Variants in BEST4 observed in about 807,000 individuals in gnomAD.
BEST4 encodes bestrophin 4, also known as bestrophin-4.
BEST4 carries 36 observed loss-of-function variants against 47.1 expected under a neutral mutation model. The observed-to-expected ratio is 0.76, with a 90% CI of 0.59 to 1.01. The LOEUF (loss-of-function observed/expected upper bound fraction) is 1.01. BEST4 is among the 50% of genes least tolerant of loss of function. The pLI is 0.00. For missense variants in BEST4, 550 were observed against 648.6 expected, an observed-to-expected ratio of 0.85 and a Z score of 1.65; for synonymous variants, 250 against 277.8, an observed-to-expected ratio of 0.90 and a Z score of 1.00.
rs1203530909 is a variant in BEST4, at chr1:44,784,266, C to T, written c.1366G>A (p.Ala456Thr). 5 of 1,448,502 alleles carry T rather than the reference C, an allele frequency of 3.5e-6. No individual in the cohort carries two copies. The highest frequency in any genetic ancestry group is 2.8e-5 in the South Asian group (2 of 72,716). 89.7% of individuals were successfully genotyped at this position (1,448,502 alleles called of 1,614,324 possible). A position where few individuals can be genotyped will look rare whatever the true frequency, so the allele number is the denominator to read the frequency against. Residue 456 changes from alanine to threonine, a missense_variant, in exon 9 of 9, where the codon GCA becomes ACA. Transcript: ENST00000372207. This position sits in a 1 kb window ranked among gnomAD's most constrained non-coding sequence, Gnocchi z 6.2. ...RAEEGGDPEA[A>T]ARIEEESAES... ...GCCGATTCCTCCTCGATGCGGGCTG[C>T]GGCCTCGGGGTCGCCGCCCTCCTCC...
Sources: allele counts gnomAD v4.1 joint callset, GRCh38; gene constraint gnomAD v4.1.1; non-coding constraint Gnocchi (gnomAD v3.1); transcripts MANE v1.5; gene names NCBI Gene and HGNC (gene_info 2026-07-23, HGNC 2026-07-21).